Variants in TP73 observed in about 807,000 individuals in gnomAD.
TP73 encodes the protein tumor protein p73.
In TP73, 25 loss-of-function variants were observed where a neutral mutation model predicts 62.5. The ratio of observed to expected loss-of-function variants is 0.40; its 90% CI spans 0.29 to 0.56. The LOEUF (loss-of-function observed/expected upper bound fraction) is 0.56. Among genes scored for constraint, TP73 ranks in the 20% least tolerant of loss-of-function variants. The pLI is 0.46. For missense variants in TP73, 754 were observed against 913.3 expected (o/e 0.83, Z 2.25); for synonymous variants, 423 against 377.5 (o/e 1.12, Z -1.40).
chr1:3,721,809 G>A (rs1030431125), intron 4 of TP73, among the ~76,000 whole-genome samples: 2 of 152,208 alleles, frequency 1.3e-5, no homozygotes, highest in Non-Finnish European at 2.9e-5. Context: ...CCCGATGGCT[G>A]TGGAGTGGGT....
At chr1:3,724,356 C>A (rs532330566) in intron 6 of TP73, among the ~76,000 whole-genome samples, 6 of 152,016 alleles carry the variant, frequency 3.9e-5, no homozygotes, top group Admixed American at 2.6e-4. Flanking sequence ...CAGCCTCCCC[C>A]ACCAGGTCCC....
intron 4 of TP73, among the ~76,000 whole-genome samples, chr1:3,718,939 T>C (rs1041195764): frequency 1.3e-5 from 2 of 152,100 alleles, no homozygotes; most frequent in African/African-American, 4.8e-5. Context: ...CACTAACACC[T>C]GCAGGCCACT....
At chr1:3,674,767 C>T (rs1645325399) in intron 1 of TP73, among the ~76,000 whole-genome samples, 1 of 152,242 alleles carries the variant, frequency 6.6e-6, no homozygotes, top group Admixed American at 6.5e-5. Context: ...AGTGAGGCCC[C>T]TTGGCACAGA....
chr1:3,730,057 C>T lies in TP73; in HGVS notation c.1254C>T (p.His418=), dbSNP rs139554277. Residue 418 remains histidine (H), a synonymous_variant, in exon 11 of 14, where the codon CAC becomes CAT. Coordinates refer to ENST00000378295, the MANE Select transcript of TP73 (RefSeq NM_005427.4). Reference sequence around the variant, plus strand: ...TCCTCTCGCCCATGAACAAGGTGCACGGGGGCATGAACAAGCTGCCCTCCG... The same window carrying T: ...TCCTCTCGCCCATGAACAAGGTGCATGGGGGCATGAACAAGCTGCCCTCCG... ...GPVLSPMNKV[H]GGMNKLPSVN... The T allele has an allele frequency of 5.7e-4, 916 of 1,607,756 alleles. 8 individuals are homozygous for T. In the African/African-American group the frequency reaches 7.5e-3, roughly 13 times the overall value.
Position 3,729,612 on chromosome 1 carries a change from C to A in TP73, c.1196+164C>A, listed in dbSNP as rs760206932. ...ACCCCACATCTCCTCCTCCAGGAAG[C>A]CTTCTAGCACTTGGGGCTGCCCTGG... On this transcript the variant is annotated intron_variant, in intron 10 of 13. Transcript: ENST00000378295. 11 of 1,318,052 alleles carry A rather than the reference C, an allele frequency of 8.3e-6. No individual in the cohort carries two copies. In the Admixed American group the frequency reaches 8.7e-5, roughly 10 times the overall value. The allele number at this position is 1,318,052 out of a possible 1,614,324, so 81.6% of individuals were successfully genotyped here.
intron 1 of TP73, among the ~76,000 whole-genome samples, chr1:3,678,475 T>A (rs554432011): frequency 1.5e-3 from 222 of 152,372 alleles, no homozygotes; most frequent in Non-Finnish European, 2.0e-3. Context: ...GCCTGGCGCC[T>A]GTGCCTGTGA....
At chr1:3,689,948 C>T (rs1645767023) in intron 3 of TP73, among the ~76,000 whole-genome samples, 1 of 152,172 alleles carries the variant, frequency 6.6e-6, no homozygotes, top group Non-Finnish European at 1.5e-5. Context: ...TCAGACGGCC[C>T]AACAGGGAGT....
chr1:3,683,847 C>A (rs760700562), intron 3 of TP73, among the ~76,000 whole-genome samples: 2 of 152,182 alleles, frequency 1.3e-5, no homozygotes, highest in Admixed American at 1.3e-4. Context: ...TGGGGTGGGC[C>A]TCCCCACACA....
At position 3,696,405 on chromosome 1, in the gene TP73, G is replaced by A. The variant is rs1332554754; in HGVS notation, c.187-11144G>A. Among the ~76,000 whole-genome samples, 1 of 152,076 alleles carries A rather than the reference G, an allele frequency of 6.6e-6. No homozygotes were observed. The highest frequency in any genetic ancestry group is 1.5e-5 in the Non-Finnish European group (1 of 68,030). On this transcript the variant is annotated intron_variant, in intron 3 of 13. Transcript: ENST00000378295. The surrounding 1 kb of genome is among the most constrained non-coding windows in gnomAD (Gnocchi z 4.1). ...CATGTGGACACTCAGTTGCTGGTGT[G>A]GGCAGGCAGGCTGTGGAGACGACCT...
chr1:3,731,700 C>T lies in TP73; in HGVS notation c.1578+144C>T, dbSNP rs565718898. On this transcript the variant is annotated intron_variant, in intron 13 of 13. Transcript: ENST00000378295. ...CGGGCAAGCAGATGCGATGATTTGA[C>T]TCTTGAGAGCTTAGGCAGATGCAGC... is the stretch of plus-strand genomic sequence containing the variant. The T allele has an allele frequency of 1.6e-4, 117 of 746,062 alleles. No individual in the cohort carries two copies. The African/African-American group carries it at 1.8e-3, about 12-fold the overall frequency. The allele number at this position is 746,062 out of a possible 1,614,324, so 46.2% of individuals were successfully genotyped here. A position where few individuals can be genotyped will look rare whatever the true frequency, so the allele number is the denominator to read the frequency against.
rs148110261 is a variant in TP73 at position 3,733,751 on chromosome 1, C to G, written c.*672C>G. The G allele has an allele frequency of 3.3e-5, 5 of 152,420 alleles. No homozygotes were observed. The East Asian group carries it at 9.7e-4, about 30-fold the overall frequency. The allele number at this position is 152,420 out of a possible 1,614,324, so 9.4% of individuals were successfully genotyped here. On this transcript the variant is annotated 3_prime_UTR_variant, in exon 14 of 14. Transcript: ENST00000378295. ...GAGAAAACTGGGGAGGGCGCAACCC[C>G]CCCCAGGCGCGGGGAAGCATGTGGT...
intron 11 of TP73, among the ~76,000 whole-genome samples, chr1:3,730,537 G>A (rs1642052060): frequency 1.3e-5 from 2 of 152,150 alleles, no homozygotes; most frequent in African/African-American, 2.4e-5. Context: ...CAAGCCGGGG[G>A]CTCCATTGGA....
chr1:3,673,287 C>T (rs1476072677), intron 1 of TP73, among the ~76,000 whole-genome samples: 1 of 152,316 alleles, frequency 6.6e-6, no homozygotes, highest in East Asian at 1.9e-4. Flanking sequence ...CAGACCCCAC[C>T]TTTCCGCCCC....
chr1:3,675,967 G>A (rs1645355992), intron 1 of TP73, among the ~76,000 whole-genome samples: 2 of 152,188 alleles, frequency 1.3e-5, no homozygotes, highest in East Asian at 3.9e-4. Flanking sequence ...GGCCTGGAGA[G>A]ATAGGGATGA....
chr1:3,652,912 G>A (rs1484660404), intron 1 of TP73, among the ~76,000 whole-genome samples: 1 of 152,202 alleles, frequency 6.6e-6, no homozygotes, highest in African/African-American at 2.4e-5. Flanking sequence ...GCCAAAGACA[G>A]CCCCGCAGGG....
rs2124478275 is a variant in TP73, at chr1:3,722,126, C to A, written c.535C>A (p.Pro179Thr). The A allele has an allele frequency of 6.2e-7, 1 of 1,612,912 alleles. No individual in the cohort carries two copies. The highest frequency in any genetic ancestry group is 8.5e-7 in the Non-Finnish European group (1 of 1,179,878). ...CCCAGGCACCGCCATCCGGGCCATG[C>A]CTGTTTACAAGAAAGCGGAGCACGT... Reference protein sequence around the residue: ...PPPGTAIRAMPVYKKAEHVTD... With the variant: ...PPPGTAIRAMTVYKKAEHVTD... The change falls in exon 5 of 14, where the codon CCT (proline) becomes ACT (threonine). Residue 179 changes from proline (P) to threonine (T), a missense_variant. Around this residue, in one of 3 missense-constraint regions of TP73, gnomAD observed 235 missense variants for 251.4 expected, o/e 0.93. Transcript: ENST00000378295.
At chr1:3,679,196 G>C (rs375977827) in intron 1 of TP73, among the ~76,000 whole-genome samples, 1 of 152,220 alleles carries the variant, frequency 6.6e-6, no homozygotes, top group Non-Finnish European at 1.5e-5. Context: ...AGTGGGAAGA[G>C]AGGGTGTCGC....
Position 3,732,996 on chromosome 1 carries a change from G to GCGGACTTCGGCTT in TP73, c.1831_1843dup (p.Asp615GlyfsTer104). On this transcript the variant is annotated frameshift_variant, in exon 14 of 14. Transcript: ENST00000378295. LOFTEE classifies it high-confidence loss of function. The stretch of plus-strand genomic sequence containing the variant: ...CCCAGGCGGCGGCCCTGACGAGTGG[G>GCGGACTTCGGCTT]CGGACTTCGGCTTCGACCTGCCCGA... The GCGGACTTCGGCTT allele has an allele frequency of 6.3e-7, 1 of 1,580,560 alleles. No homozygotes were observed. Among genetic ancestry groups the GCGGACTTCGGCTT allele is most frequent in the Non-Finnish European group, 8.6e-7 (1 of 1,167,206 alleles).
In TP73 at chr1:3,696,425, C is replaced by T. The variant is rs1269606035; in HGVS notation, c.187-11124C>T. Among the ~76,000 whole-genome samples the T allele has an allele frequency of 6.6e-6, 1 of 151,842 alleles. No individual in the cohort carries two copies. The highest frequency in any genetic ancestry group is 1.5e-5 in the Non-Finnish European group (1 of 67,976). On this transcript the variant is annotated intron_variant, in intron 3 of 13. Coordinates refer to ENST00000378295, the MANE Select transcript of TP73 (RefSeq NM_005427.4). The surrounding 1 kb of genome is among the most constrained non-coding windows in gnomAD (Gnocchi z 4.1). ...GGTGTGGGCAGGCAGGCTGTGGAGA[C>T]GACCTCTAGGGAGTCCTGCACATGG...
Sources: gnomAD v4.1 joint callset for allele counts (sites outside exome capture counted in the v4.1 genomes callset) on GRCh38, gnomAD v4.1.1 for gene constraint, gnomAD v4.1.1 regional missense constraint, Gnocchi (gnomAD v3.1) non-coding constraint, MANE v1.5 for transcripts, NCBI Gene and HGNC (gene_info 2026-07-23, HGNC 2026-07-21) for gene names.